AGBL4: variants seen among roughly 807,000 people sequenced by gnomAD.
The protein encoded by AGBL4 is AGBL carboxypeptidase 4.
In AGBL4, 58 loss-of-function variants were observed where a neutral mutation model predicts 66.4. The observed-to-expected ratio is 0.87, with a 90% confidence interval of 0.71 to 1.09. AGBL4 has a LOEUF of 1.09. AGBL4 is among the 50% of genes least tolerant of loss of function. The probability of loss-of-function intolerance (pLI) is 0.00; values close to 1 mark genes in which losing one functional copy is unlikely to be tolerated. For synonymous variants in AGBL4, 234 were observed against 222.9 expected, an observed-to-expected ratio of 1.05 and a Z score of -0.44; for missense variants, 579 against 631.0, an observed-to-expected ratio of 0.92 and a Z score of 0.88.
intron 5 of AGBL4, among the ~76,000 whole-genome samples, chr1:48,913,498 C>G (rs1232132580): frequency 6.6e-6 from 1 of 152,130 alleles, no homozygotes; most frequent in African/African-American, 2.4e-5. Flanking sequence ...CCTGTCAGAT[C>G]AACAGCAGCC....
chr1:49,175,055 T>C (rs1299398512), intron 4 of AGBL4: 1 of 152,136 alleles, frequency 6.6e-6, no homozygotes, highest in Non-Finnish European at 1.5e-5. Context: ...GGTTTTGAGA[T>C]TTTGTCCAAA....
chr1:49,107,694 T>TGTGTGAGAGAGA (rs764451269), intron 4 of AGBL4, among the ~76,000 whole-genome samples: 1 of 113,944 alleles, frequency 8.8e-6, no homozygotes, highest in African/African-American at 3.9e-5. Context: ...TGTGTGTGTG[T>TGTGTGAGAGAGA]GAGAGAGAGA....
rs147383460 is a variant in AGBL4 at position 49,078,823 on chromosome 1, C to T, written c.378-33023G>A. 2.7e-3 allele frequency among the ~76,000 whole-genome samples: 404 copies of T among 152,260 alleles called. 4 individuals are homozygous for T. The highest frequency in any genetic ancestry group is 9.5e-3 in the African/African-American group (393 of 41,556). On this transcript the variant is annotated intron_variant, in intron 4 of 13. Transcript: ENST00000371839. ...ACTGCGCAATTCAGTCTATTCTATT[C>T]CTAGCAGCCAAAGTGATGTTTTAAA...
At chr1:49,829,499 A>C (rs569418007) in intron 2 of AGBL4, among the ~76,000 whole-genome samples, 124 of 152,292 alleles carry the variant, frequency 8.1e-4, no homozygotes, top group African/African-American at 2.9e-3. Context: ...CCTTCAAAGA[A>C]CAATCTTGCT....
At chr1:49,886,512 G>C (rs1460257269) in intron 1 of AGBL4, among the ~76,000 whole-genome samples, 2 of 152,154 alleles carry the variant, frequency 1.3e-5, no homozygotes, top group Non-Finnish European at 2.9e-5. Flanking sequence ...AAGCAAGGCA[G>C]TGGTACAATC....
At chr1:49,845,906 C>A in intron 2 of AGBL4, 2 of 1,427,044 alleles carry the variant, frequency 1.4e-6, no homozygotes, top group Admixed American at 1.7e-5. Flanking sequence ...CCACACAGGG[C>A]AGAAGCCCTA....
At position 49,557,059 on chromosome 1, in the gene AGBL4, C is replaced by T. The variant is rs1014447159; in HGVS notation, c.282+140254G>A. 2.6e-5 allele frequency among the ~76,000 whole-genome samples: 4 copies of T among 152,202 alleles called. No individual in the cohort carries two copies. The East Asian group carries it at 7.8e-4, about 30-fold the overall frequency. On this transcript the variant is annotated intron_variant, in intron 3 of 13. Transcript: ENST00000371839. Reference sequence around the variant, plus strand: ...AACTCGCACTGGCCCGTGATTGCTGCGTGCAGCCCTGGTTCCCACCCGAGC... The same window carrying T: ...AACTCGCACTGGCCCGTGATTGCTGTGTGCAGCCCTGGTTCCCACCCGAGC...
intron 5 of AGBL4, among the ~76,000 whole-genome samples, chr1:48,953,213 T>C (rs1371076650): frequency 6.6e-6 from 1 of 152,184 alleles, no homozygotes; most frequent in Non-Finnish European, 1.5e-5. Flanking sequence ...CTAAACTCCA[T>C]GCCCAAAACC....
At chr1:49,646,384 T>A (rs1645888239) in intron 3 of AGBL4, among the ~76,000 whole-genome samples, 1 of 151,960 alleles carries the variant, frequency 6.6e-6, no homozygotes, top group African/African-American at 2.4e-5. Flanking sequence ...ACTGTATTTC[T>A]ATGCACAAGC....
Position 49,902,552 on chromosome 1 carries a change from G to A in AGBL4, c.35-51034C>T, listed in dbSNP as rs192296420. Among the ~76,000 whole-genome samples the A allele has an allele frequency of 3.7e-4, 56 of 152,148 alleles. 1 individual carries two copies. The East Asian group carries it at 0.01, about 27-fold the overall frequency. On this transcript the variant is annotated intron_variant, in intron 1 of 13. Coordinates refer to ENST00000371839, the MANE Select transcript of AGBL4 (RefSeq NM_032785.4). Reference sequence around the variant, plus strand: ...TCACGAGGTCAGGAGTTCAAGATCAGCCTGGCCAACATGGTGAAACCCTGT... The same window carrying A: ...TCACGAGGTCAGGAGTTCAAGATCAACCTGGCCAACATGGTGAAACCCTGT...
In AGBL4 at chr1:49,593,627, G is replaced by A. The variant is rs181583268; in HGVS notation, c.282+103686C>T. ...GCAAAGGCTCCAGAACCAGATTGTC[G>A]CTATATGAACCCAGCGCTACTTATT... On this transcript the variant is annotated intron_variant, in intron 3 of 13. Coordinates refer to ENST00000371839, the MANE Select transcript of AGBL4 (RefSeq NM_032785.4). 2.1e-3 allele frequency among the ~76,000 whole-genome samples: 313 copies of A among 152,188 alleles called. 10 individuals are homozygous for A. In the South Asian group the frequency reaches 0.06, roughly 29 times the overall value.
intron 4 of AGBL4, among the ~76,000 whole-genome samples, chr1:49,169,131 G>A (rs906512280): frequency 2.6e-5 from 4 of 152,094 alleles, no homozygotes; most frequent in African/African-American, 9.7e-5. Flanking sequence ...ATAAGTTTTT[G>A]CCTCAGGGAA....
chr1:48,867,209 G>A lies in AGBL4; in HGVS notation c.616C>T (p.Leu206=), dbSNP rs776411114. Residue 206 remains leucine, a synonymous_variant, in exon 6 of 14, where the codon CTG becomes TTG. Transcript: ENST00000371839. ...QSVQQRKLDL[L]TITSPDNLRE... is the part of the protein sequence containing the mutation. Reference sequence around the variant, plus strand: ...TACTCACCAGGGCTGGTTATCGTCAGGAGGTCAAGCTTTCGTTGTTGCTGC... The same window carrying A: ...TACTCACCAGGGCTGGTTATCGTCAAGAGGTCAAGCTTTCGTTGTTGCTGC... The A allele has an allele frequency of 6.2e-7, 1 of 1,613,638 alleles. No individual in the cohort carries two copies. Among genetic ancestry groups the A allele is most frequent in the Non-Finnish European group, 8.5e-7 (1 of 1,179,776 alleles).
At chr1:49,438,803 C>T (rs1645961302) in intron 3 of AGBL4, among the ~76,000 whole-genome samples, 1 of 152,094 alleles carries the variant, frequency 6.6e-6, no homozygotes, top group Non-Finnish European at 1.5e-5. Context: ...GTTGCTATAA[C>T]AGAAAATCTA....
intron 6 of AGBL4, among the ~76,000 whole-genome samples, chr1:48,769,348 C>T (rs758252230): frequency 4.6e-5 from 7 of 152,026 alleles, no homozygotes; most frequent in Non-Finnish European, 8.8e-5. Flanking sequence ...GACTGGGGCA[C>T]AGAAAAAACT....
chr1:48,657,148 G>T (rs1221212401), intron 7 of AGBL4, among the ~76,000 whole-genome samples: 1 of 152,140 alleles, frequency 6.6e-6, no homozygotes, highest in African/African-American at 2.4e-5. Flanking sequence ...CCATTCATTT[G>T]CTGTGTGGCC....
At chr1:49,441,860 C>T (rs1646038753) in intron 3 of AGBL4, among the ~76,000 whole-genome samples, 1 of 152,170 alleles carries the variant, frequency 6.6e-6, no homozygotes, top group African/African-American at 2.4e-5. Flanking sequence ...CCTATCATCA[C>T]CCAATGGGCC....
chr1:49,370,056 C>T (rs1361547245), intron 3 of AGBL4, among the ~76,000 whole-genome samples: 8 of 148,920 alleles, frequency 5.4e-5, no homozygotes, highest in Non-Finnish European at 1.2e-4. Context: ...TCCATCATCA[C>T]ATAAACACAC....
chr1:49,405,529 G>A (rs1192675048), intron 3 of AGBL4, among the ~76,000 whole-genome samples: 3 of 152,046 alleles, frequency 2.0e-5, no homozygotes, highest in African/African-American at 2.4e-5. Context: ...AGTAAATAGC[G>A]AGAGCTCAAA....
Sources: allele counts gnomAD v4.1 joint callset (sites outside exome capture counted in the v4.1 genomes callset), GRCh38; gene constraint gnomAD v4.1.1; transcripts MANE v1.5; gene names NCBI Gene and HGNC (gene_info 2026-07-23, HGNC 2026-07-21).